Variants in GRIK1 observed in about 807,000 individuals in gnomAD.
The protein encoded by GRIK1 is glutamate receptor ionotropic, kainate 1.
GRIK1 carries 69 observed loss-of-function variants against 105.7 expected under a neutral mutation model. The observed-to-expected ratio is 0.65, with a 90% CI of 0.54 to 0.80. The LOEUF (loss-of-function observed/expected upper bound fraction) is 0.80, where lower values mean the gene tolerates loss of function less well. GRIK1 is among the 30% of genes least tolerant of loss of function. The pLI is 0.00. For synonymous variants in GRIK1, 438 were observed against 431.3 expected, an observed-to-expected ratio of 1.02 and a Z score of -0.19; for missense variants, 1,109 against 1,167.3, an observed-to-expected ratio of 0.95 and a Z score of 0.73.
intron 6 of GRIK1, among the ~76,000 whole-genome samples, chr21:29,647,384 A>G (rs1251185050): frequency 1.3e-5 from 2 of 152,144 alleles, no homozygotes; most frequent in African/African-American, 2.4e-5. Context: ...ATCTCGGAAG[A>G]TTTTGCTTTC....
intron 12 of GRIK1, chr21:29,582,188 C>A: frequency 3.2e-6 from 1 of 313,754 alleles, no homozygotes; most frequent in South Asian, 2.9e-5. Flanking sequence ...AGAGACAAGG[C>A]ATACATTTGG....
intron 1 of GRIK1, among the ~76,000 whole-genome samples, chr21:29,835,533 C>A (rs1393812367): frequency 1.3e-5 from 2 of 152,176 alleles, no homozygotes; most frequent in Admixed American, 1.3e-4. Context: ...TTGCTAGAGC[C>A]TCTGAATCCC....
chr21:29,624,662 T>C (rs999247696), intron 7 of GRIK1, among the ~76,000 whole-genome samples: 5 of 152,254 alleles, frequency 3.3e-5, no homozygotes, highest in Non-Finnish European at 7.3e-5. Flanking sequence ...GAGTGATTCT[T>C]CTTAAGCTGC....
At chr21:29,875,415 A>G (rs2069157908) in intron 1 of GRIK1, among the ~76,000 whole-genome samples, 1 of 152,014 alleles carries the variant, frequency 6.6e-6, no homozygotes, top group Admixed American at 6.6e-5. Flanking sequence ...ATTTCTTTCC[A>G]CTGCTTGCAA....
At chr21:29,669,770 G>A (rs1369961398) in intron 4 of GRIK1, among the ~76,000 whole-genome samples, 1 of 152,146 alleles carries the variant, frequency 6.6e-6, no homozygotes, top group Admixed American at 6.6e-5. Flanking sequence ...CAGTAAAAGA[G>A]GTAAGTCTCC....
intron 1 of GRIK1, among the ~76,000 whole-genome samples, chr21:29,887,232 G>GTGCCAAAAATT (rs2069662149): frequency 6.6e-6 from 1 of 152,114 alleles, no homozygotes; most frequent in African/African-American, 2.4e-5. Context: ...GCACATTTTT[G>GTGCCAAAAATT]TTGCATCCCA....
chr21:29,921,416 C>T (rs1033748995), intron 1 of GRIK1, among the ~76,000 whole-genome samples: 1 of 152,104 alleles, frequency 6.6e-6, no homozygotes, highest in African/African-American at 2.4e-5. Context: ...TGTTGCCATT[C>T]TTAATGGTTT....
intron 7 of GRIK1, among the ~76,000 whole-genome samples, chr21:29,640,967 T>C (rs2062498109): frequency 6.6e-6 from 1 of 152,220 alleles, no homozygotes; most frequent in South Asian, 2.1e-4. Flanking sequence ...AAATTCCTGG[T>C]ATCATCTTCA....
At chr21:29,918,461 G>C (rs1162499526) in intron 1 of GRIK1, among the ~76,000 whole-genome samples, 1 of 152,034 alleles carries the variant, frequency 6.6e-6, no homozygotes, top group Non-Finnish European at 1.5e-5. Context: ...ATGAAGCGGA[G>C]ATTTAAAGGT....
rs754325897 is a variant in GRIK1 at position 29,689,898 on chromosome 21, G to A, written c.374C>T (p.Ala125Val). ...GGTCTGTATGTGTGGAACTTCGAGA[G>A]CATTGCAAATAGACTGCACAGCACT... ...SVSAVQSICN[A>V]LEVPHIQTRW... The change falls in exon 3 of 18, where the codon GCT becomes GTT. Residue 125 changes from alanine to valine, a missense_variant. This residue lies in a region of GRIK1 where 612 missense variants were observed against 586.0 expected (regional missense o/e 1.04). Coordinates refer to ENST00000327783, the MANE Select transcript of GRIK1 (RefSeq NM_001330994.2). 29 of 1,613,668 alleles carry A rather than the reference G, an allele frequency of 1.8e-5. No individual in the cohort carries two copies. Among genetic ancestry groups the A allele is most frequent in the Non-Finnish European group, 2.4e-5 (28 of 1,179,804 alleles).
chr21:29,927,104 C>T (rs920578596), intron 1 of GRIK1, among the ~76,000 whole-genome samples: 1 of 152,102 alleles, frequency 6.6e-6, no homozygotes, highest in Non-Finnish European at 1.5e-5. Flanking sequence ...TGATGCCTCC[C>T]CGCTCCACAC....
rs552900076 is a variant in GRIK1 at position 29,762,235 on chromosome 21, T to C, written c.119-68172A>G. ...TCTTTGGAAATGACTGATCTAAATG[T>C]CAGTCTGCATGTCTTTCCAGGAAGG... On this transcript the variant is annotated intron_variant, in intron 1 of 17. Transcript: ENST00000327783. Among the ~76,000 whole-genome samples, 134 of 152,362 alleles carry C rather than the reference T, an allele frequency of 8.8e-4. 1 individual carries two copies. The highest frequency in any genetic ancestry group is 1.1e-3 in the Non-Finnish European group (73 of 68,040).
At chr21:29,849,366 T>A (rs1281652613) in intron 1 of GRIK1, among the ~76,000 whole-genome samples, 1 of 152,168 alleles carries the variant, frequency 6.6e-6, no homozygotes, top group Non-Finnish European at 1.5e-5. Flanking sequence ...TAAGTGCAAT[T>A]TCCTCTGCTA....
intron 1 of GRIK1, among the ~76,000 whole-genome samples, chr21:29,744,992 T>A (rs1394616869): frequency 6.6e-6 from 1 of 152,186 alleles, no homozygotes; most frequent in Non-Finnish European, 1.5e-5. Flanking sequence ...CAGTCTTGTG[T>A]AGTCCCCTTC....
At chr21:29,763,647 G>T (rs1276475423) in intron 1 of GRIK1, 1 of 152,238 alleles carries the variant, frequency 6.6e-6, no homozygotes, top group Non-Finnish European at 1.5e-5. Flanking sequence ...TGATGCTCCA[G>T]TAGAGTGGTC....
intron 7 of GRIK1, among the ~76,000 whole-genome samples, chr21:29,615,252 A>G (rs953995812): frequency 6.6e-6 from 1 of 151,618 alleles, no homozygotes; most frequent in Non-Finnish European, 1.5e-5. Context: ...TGGCTTCCTT[A>G]AGAGCAGGTG....
chr21:29,692,597 G>A (rs998487644), intron 2 of GRIK1, among the ~76,000 whole-genome samples: 8 of 152,002 alleles, frequency 5.3e-5, no homozygotes, highest in Admixed American at 1.3e-4. Flanking sequence ...TTTTTGAGAC[G>A]GAGTCTCGCT....
chr21:29,785,718 A>G (rs1382711034), intron 1 of GRIK1, among the ~76,000 whole-genome samples: 3 of 152,136 alleles, frequency 2.0e-5, no homozygotes, highest in African/African-American at 7.2e-5. Context: ...TGGCTGCTGT[A>G]GCGAATGAAC....
intron 1 of GRIK1, among the ~76,000 whole-genome samples, chr21:29,812,906 G>A (rs2067049795): frequency 6.6e-6 from 1 of 152,132 alleles, no homozygotes; most frequent in African/African-American, 2.4e-5. Flanking sequence ...CTTTGCAACC[G>A]AGTATACAAA....
Sources: gnomAD v4.1 joint callset for allele counts (sites outside exome capture counted in the v4.1 genomes callset) on GRCh38, gnomAD v4.1.1 for gene constraint, gnomAD v4.1.1 regional missense constraint, MANE v1.5 for transcripts, NCBI Gene and HGNC (gene_info 2026-07-23, HGNC 2026-07-21) for gene names.